CNNM1: variants seen among roughly 807,000 people sequenced by gnomAD.
The protein encoded by CNNM1 is metal transporter CNNM1.
In CNNM1, 44 loss-of-function variants were observed where a neutral mutation model predicts 78.8. The observed-to-expected ratio is 0.56, with a 90% CI of 0.44 to 0.72. CNNM1 has a LOEUF of 0.72. Among genes scored for constraint, CNNM1 ranks in the 30% least tolerant of loss-of-function variants. The probability of loss-of-function intolerance (pLI) is 0.00; values close to 1 mark genes in which losing one functional copy is unlikely to be tolerated. For synonymous variants in CNNM1, 584 were observed against 581.5 expected (o/e 1.00, Z -0.06); for missense variants, 1,101 against 1,292.2 (o/e 0.85, Z 2.27).
intron 5 of CNNM1, 24 bp from the exon 6 acceptor site, chr10:99,364,931 C>G: frequency 6.2e-7 from 1 of 1,608,494 alleles, no homozygotes; most frequent in Non-Finnish European, 8.5e-7. Context: ...GCCTCTGAAA[C>G]CCACTGCATG....
At chr10:99,342,311 C>T (rs966766673) in intron 1 of CNNM1, among the ~76,000 whole-genome samples, 1 of 152,196 alleles carries the variant, frequency 6.6e-6, no homozygotes, top group Admixed American at 6.5e-5. Flanking sequence ...GGTTGTTACT[C>T]TGCTATTTTT....
rs1355245134 is a variant in CNNM1, at chr10:99,356,558, C to CAGAAAGAAAGAA, written c.1574-951_1574-950insAAGAAAGAAAGA. On this transcript the variant is annotated intron_variant, in intron 1 of 10. Transcript: ENST00000356713. ...AAAGAAAGACAGACAGACAGACAGACAGACAGAAAGAAAGAAAGAAAGAAA... is the reference window on the plus strand; with the variant it reads ...AAAGAAAGACAGACAGACAGACAGACAGAAAGAAAGAAAGACAGAAAGAAAGAAAGAAAGAAA... Among the ~76,000 whole-genome samples, 346 of 45,742 alleles carry CAGAAAGAAAGAA rather than the reference C, an allele frequency of 7.6e-3. 1 individual carries two copies. The highest frequency in any genetic ancestry group is 0.016 in the Non-Finnish European group (220 of 14,154). The allele number at this position is 45,742 out of a possible 152,430, so 30.0% of individuals were successfully genotyped here.
At chr10:99,387,799 C>G in intron 7 of CNNM1, 21 bp from the exon 8 acceptor site, 6 of 1,569,320 alleles carry the variant, frequency 3.8e-6, no homozygotes, top group Non-Finnish European at 4.3e-6. Flanking sequence ...TGCTCCTAAG[C>G]TCCTGCCCTC....
intron 6 of CNNM1, among the ~76,000 whole-genome samples, chr10:99,365,921 A>G (rs1329203895): frequency 2.6e-5 from 4 of 152,230 alleles, no homozygotes; most frequent in African/African-American, 9.6e-5. Context: ...AACTAAGGAA[A>G]TGACTTGCTT....
chr10:99,385,309 T>C (rs1170995308), intron 7 of CNNM1, among the ~76,000 whole-genome samples: 6 of 152,178 alleles, frequency 3.9e-5, no homozygotes, highest in Non-Finnish European at 8.8e-5. Flanking sequence ...TCACTGTCCC[T>C]TTCCTTCTGT....
At chr10:99,339,088 A>G (rs1473797537) in intron 1 of CNNM1, among the ~76,000 whole-genome samples, 1 of 152,288 alleles carries the variant, frequency 6.6e-6, no homozygotes. Flanking sequence ...CTGACATTTA[A>G]CTCAATTAAA....
chr10:99,333,927 A>G (rs11190059), intron 1 of CNNM1, among the ~76,000 whole-genome samples: 71,521 of 152,132 alleles, frequency 0.47, 19,918 homozygotes, highest in Non-Finnish European at 0.62. Context: ...GTATTTAGGT[A>G]GAGCACTAAA....
At chr10:99,344,326 C>T (rs1490257656) in intron 1 of CNNM1, among the ~76,000 whole-genome samples, 7 of 123,268 alleles carry the variant, frequency 5.7e-5, no homozygotes, top group Non-Finnish European at 9.4e-5. Flanking sequence ...AGCGAGACTC[C>T]GTCTCAAAAA....
At chr10:99,381,682 C>CGG (rs1224209638) in intron 7 of CNNM1, among the ~76,000 whole-genome samples, 1 of 150,530 alleles carries the variant, frequency 6.6e-6, no homozygotes, top group East Asian at 2.0e-4. Flanking sequence ...GCGGAGGTTG[C>CGG]GGTGAGCCGA....
At chr10:99,384,633 A>G (rs77041178) in intron 7 of CNNM1, among the ~76,000 whole-genome samples, 4,928 of 152,206 alleles carry the variant, frequency 0.032, 256 homozygotes, top group African/African-American at 0.11. Context: ...CCTCACGAGG[A>G]AGTGTGTCCC....
intron 1 of CNNM1, among the ~76,000 whole-genome samples, chr10:99,352,191 T>C (rs886667935): frequency 6.6e-6 from 1 of 152,226 alleles, no homozygotes; most frequent in Non-Finnish European, 1.5e-5. Flanking sequence ...TAGATTGGTC[T>C]ATTCTGGAAA....
chr10:99,368,932 G>A (rs1156918005), intron 6 of CNNM1, among the ~76,000 whole-genome samples: 1 of 152,184 alleles, frequency 6.6e-6, no homozygotes, highest in African/African-American at 2.4e-5. Context: ...TGGGGGTGAG[G>A]GATAGTGTGA....
At chr10:99,383,760 G>A (rs2032226497) in intron 7 of CNNM1, among the ~76,000 whole-genome samples, 1 of 152,162 alleles carries the variant, frequency 6.6e-6, no homozygotes, top group Non-Finnish European at 1.5e-5. Context: ...TGAGTAGTGG[G>A]AGTGCTGTTG....
chr10:99,348,680 T>G (rs1034581183), intron 1 of CNNM1, among the ~76,000 whole-genome samples: 4 of 152,152 alleles, frequency 2.6e-5, no homozygotes, highest in African/African-American at 9.7e-5. Flanking sequence ...TCTTGAAGAT[T>G]AGGAGTTCCT....
chr10:99,347,752 G>T (rs1045334367), intron 1 of CNNM1, among the ~76,000 whole-genome samples: 2 of 151,842 alleles, frequency 1.3e-5, no homozygotes, highest in African/African-American at 2.4e-5. Flanking sequence ...TACAGCCACC[G>T]CATTGGCCTC....
At chr10:99,383,154 A>G (rs2032207266) in intron 7 of CNNM1, among the ~76,000 whole-genome samples, 1 of 152,226 alleles carries the variant, frequency 6.6e-6, no homozygotes, top group Non-Finnish European at 1.5e-5. Context: ...TCTGCCTTAT[A>G]AGTAGATTAA....
intron 1 of CNNM1, among the ~76,000 whole-genome samples, chr10:99,334,795 A>G (rs566979920): frequency 5.3e-5 from 8 of 152,248 alleles, no homozygotes; most frequent in Non-Finnish European, 1.2e-4. Context: ...CGATATTAAT[A>G]GGAGCCACAG....
chr10:99,342,532 T>C (rs1187031846), intron 1 of CNNM1, among the ~76,000 whole-genome samples: 1 of 152,190 alleles, frequency 6.6e-6, no homozygotes, highest in Admixed American at 6.5e-5. Context: ...TACTATAAAG[T>C]ACAGCCTTTT....
At chr10:99,361,430 G>A (rs2031430675) in intron 3 of CNNM1, among the ~76,000 whole-genome samples, 1 of 152,208 alleles carries the variant, frequency 6.6e-6, no homozygotes, top group Non-Finnish European at 1.5e-5. Context: ...ACTCCTTCTT[G>A]TGAAGAAGAT....
Sources: gnomAD v4.1 joint callset for allele counts (sites outside exome capture counted in the v4.1 genomes callset) on GRCh38, gnomAD v4.1.1 for gene constraint, MANE v1.5 for transcripts, NCBI Gene and HGNC (gene_info 2026-07-23, HGNC 2026-07-21) for gene names.